LIPA: variants seen among roughly 807,000 people sequenced by gnomAD.
The protein encoded by LIPA is lipase A, lysosomal acid type.
In LIPA, 26 loss-of-function variants were observed where a neutral mutation model predicts 40.6. The observed-to-expected ratio is 0.64, with a 90% confidence interval of 0.47 to 0.89. The LOEUF (loss-of-function observed/expected upper bound fraction) is 0.89. LIPA is among the 40% of genes least tolerant of loss of function. The pLI is 0.00. For missense variants in LIPA, 455 were observed against 479.6 expected (o/e 0.95, Z 0.48); for synonymous variants, 188 against 168.4 (o/e 1.12, Z -0.90).
upstream of LIPA, among the ~76,000 whole-genome samples, chr10:89,254,365 C>T (rs1369199069): frequency 6.6e-6 from 1 of 152,266 alleles, no homozygotes; most frequent in Non-Finnish European, 1.5e-5. Context: ...GGCTTAGGGA[C>T]TGTACCCTGT....
chr10:89,228,594 T>C (rs967647626), intron 3 of LIPA, among the ~76,000 whole-genome samples, 196 bp from the exon 4 acceptor site: 1 of 152,252 alleles, frequency 6.6e-6, no homozygotes, highest in African/African-American at 2.4e-5. Flanking sequence ...AAGGTAGCAG[T>C]GAAACTGGAC....
At chr10:89,247,379 C>CAAAAAA (rs71022556) in intron 2 of LIPA, among the ~76,000 whole-genome samples, 159 bp downstream of exon 2, 26 of 75,448 alleles carry the variant, frequency 3.4e-4, no homozygotes, top group South Asian at 8.9e-4. Flanking sequence ...GACTCTGCCT[C>CAAAAAA]AAAAAAAAAA....
chr10:89,238,161 A>G (rs1170044878), intron 3 of LIPA, among the ~76,000 whole-genome samples: 1 of 152,236 alleles, frequency 6.6e-6, no homozygotes, highest in African/African-American at 2.4e-5. Flanking sequence ...AAGATTGTGG[A>G]TATGGCAAAA....
chr10:89,316,024 T>C lies in LIPA; in HGVS notation c.-2+26587A>G, dbSNP rs529206517. Reference sequence around the variant, plus strand: ...TTTTTTTTACAAAACATTTTGGAAGTCTTTCATATAACCGGCTCCCAGAAA... The same window carrying C: ...TTTTTTTTACAAAACATTTTGGAAGCCTTTCATATAACCGGCTCCCAGAAA... On this transcript the variant is annotated intron_variant, in intron 1 of 5. Transcript: ENST00000282673. Among the ~76,000 whole-genome samples, 7 of 152,308 alleles carry C rather than the reference T, an allele frequency of 4.6e-5. No individual in the cohort carries two copies. In the South Asian group the frequency reaches 1.4e-3, roughly 32 times the overall value.
At chr10:89,314,218 G>A (rs548627468) in intron 1 of LIPA, among the ~76,000 whole-genome samples, 1 of 152,284 alleles carries the variant, frequency 6.6e-6, no homozygotes, top group East Asian at 1.9e-4. Flanking sequence ...TGAGTTGGGT[G>A]TGCTATGAAA....
chr10:89,267,676 A>C (rs201812789), intron 1 of LIPA, among the ~76,000 whole-genome samples: 2 of 150,154 alleles, frequency 1.3e-5, no homozygotes, highest in Non-Finnish European at 3.0e-5. Flanking sequence ...ACATGTATAC[A>C]TATGTAACTA....
At chr10:89,272,489 A>G (rs1475815261) in intron 1 of LIPA, among the ~76,000 whole-genome samples, 1 of 152,162 alleles carries the variant, frequency 6.6e-6, no homozygotes, top group Non-Finnish European at 1.5e-5. Flanking sequence ...TTCTTTATCT[A>G]ATCTATCATA....
chr10:89,374,391 T>C (rs1348008266), intron 2 of LIPA, among the ~76,000 whole-genome samples: 1 of 152,158 alleles, frequency 6.6e-6, no homozygotes, highest in Non-Finnish European at 1.5e-5. Flanking sequence ...TTCCTTATTG[T>C]TGCTCTGTCC....
intron 2 of LIPA, among the ~76,000 whole-genome samples, chr10:89,375,985 G>A (rs749304875): frequency 6.6e-6 from 1 of 151,862 alleles, no homozygotes. Context: ...TCAGGAGTTC[G>A]AAACCAGGAT....
chr10:89,236,962 A>G (rs561964706), intron 3 of LIPA, among the ~76,000 whole-genome samples: 35 of 152,340 alleles, frequency 2.3e-4, no homozygotes, highest in African/African-American at 8.4e-4. Context: ...TAATTTTACA[A>G]AGAGGTTTGG....
intron 3 of LIPA, among the ~76,000 whole-genome samples, chr10:89,239,362 G>C (rs911661117): frequency 1.3e-5 from 2 of 152,148 alleles, no homozygotes; most frequent in Non-Finnish European, 2.9e-5. Flanking sequence ...TATAAACCTT[G>C]GTTTCCTCAT....
rs190371741 is a variant in LIPA, at chr10:89,348,526, C to T, written c.61+64265G>A. On this transcript the variant is annotated intron_variant, in intron 2 of 8. Transcript: ENST00000371837. ...ACAAAACTGGGGTCCACTTGCCCAGCCCAGTAAAGCCAAACACCCACAGTG... is the reference window on the plus strand; with the variant it reads ...ACAAAACTGGGGTCCACTTGCCCAGTCCAGTAAAGCCAAACACCCACAGTG... Among the ~76,000 whole-genome samples the T allele has an allele frequency of 1.8e-3, 280 of 152,288 alleles. 2 individuals carry two copies. Among genetic ancestry groups the T allele is most frequent in the South Asian group, 0.011 (51 of 4,824 alleles).
chr10:89,400,663 A>G (rs1443424581), intron 2 of LIPA, among the ~76,000 whole-genome samples: 1 of 152,220 alleles, frequency 6.6e-6, no homozygotes, highest in Non-Finnish European at 1.5e-5. Flanking sequence ...GTTAATGTGT[A>G]GAATCCTTAG....
chr10:89,253,338 G>A (rs1843158110), upstream of LIPA, among the ~76,000 whole-genome samples: 1 of 152,214 alleles, frequency 6.6e-6, no homozygotes, highest in South Asian at 2.1e-4. Context: ...AATCATGGCA[G>A]AAGGCAAAAG....
At chr10:89,359,092 C>T (rs1844004958) in intron 2 of LIPA, among the ~76,000 whole-genome samples, 1 of 152,136 alleles carries the variant, frequency 6.6e-6, no homozygotes. Flanking sequence ...GTGAGCTGCC[C>T]TTTTGTCCAT....
chr10:89,295,064 AGGAAAGGAAAGGAAT>A (rs1843405242), intron 1 of LIPA, among the ~76,000 whole-genome samples: 8 of 143,666 alleles, frequency 5.6e-5, no homozygotes, highest in African/African-American at 2.1e-4. Flanking sequence ...AGGAAAGGAA[AGGAAAGGAAAGGAAT>A]GGAAAGGAAA....
intron 2 of LIPA, among the ~76,000 whole-genome samples, chr10:89,389,473 T>G (rs1171198109): frequency 3.9e-5 from 6 of 152,220 alleles, no homozygotes; most frequent in Admixed American, 3.9e-4. Flanking sequence ...GGGCTGAATT[T>G]GTTTCTAACA....
intron 2 of LIPA, among the ~76,000 whole-genome samples, chr10:89,365,002 G>T (rs753145054): frequency 1.6e-4 from 24 of 152,144 alleles, no homozygotes; most frequent in Admixed American, 7.9e-4. Context: ...CACACATCAA[G>T]GAAGCATTTA....
chr10:89,257,934 C>A (rs531097052), intron 1 of LIPA, among the ~76,000 whole-genome samples: 2 of 152,132 alleles, frequency 1.3e-5, no homozygotes, highest in Non-Finnish European at 2.9e-5. Flanking sequence ...CACCTGCAAA[C>A]GGTAAGATCC....
Sources: allele counts gnomAD v4.1 joint callset (sites outside exome capture counted in the v4.1 genomes callset), GRCh38; gene constraint gnomAD v4.1.1; transcripts MANE v1.5; gene names NCBI Gene and HGNC (gene_info 2026-07-23, HGNC 2026-07-21).